Variants in SORCS3 observed in about 807,000 individuals in gnomAD.
SORCS3 encodes sortilin related VPS10 domain containing receptor 3.
A neutral mutation model predicts 146.3 loss-of-function variants in SORCS3; 57 were observed. That is an observed-to-expected ratio of 0.39 (90% CI 0.31 to 0.49). The LOEUF is 0.49. Among genes scored for constraint, SORCS3 ranks in the 20% least tolerant of loss-of-function variants. The probability of loss-of-function intolerance (pLI) is 0.92; values close to 1 mark genes in which losing one functional copy is unlikely to be tolerated. For missense variants in SORCS3, 1,341 were observed against 1,575.5 expected, an observed-to-expected ratio of 0.85 and a Z score of 2.52; for synonymous variants, 653 against 618.5, an observed-to-expected ratio of 1.06 and a Z score of -0.83.
intron 1 of SORCS3, among the ~76,000 whole-genome samples, chr10:104,735,951 G>A (rs904991921): frequency 1.8e-4 from 28 of 152,052 alleles, no homozygotes; most frequent in African/African-American, 6.5e-4. Context: ...CCAAGGTGAC[G>A]CCAAATGTCT....
chr10:104,926,332 AT>A (rs1246050903), intron 3 of SORCS3, among the ~76,000 whole-genome samples: 2 of 152,038 alleles, frequency 1.3e-5, no homozygotes, highest in Admixed American at 6.6e-5. Flanking sequence ...CAGCCATCTC[AT>A]TTTTTCCTGC....
At chr10:105,254,007 C>A (rs898842119) in intron 23 of SORCS3, among the ~76,000 whole-genome samples, 4 of 152,142 alleles carry the variant, frequency 2.6e-5, no homozygotes, top group Non-Finnish European at 5.9e-5. Flanking sequence ...GATATTAAGG[C>A]GCATACAGCG....
At chr10:105,039,521 A>C (rs2055326199) in intron 4 of SORCS3, among the ~76,000 whole-genome samples, 1 of 127,670 alleles carries the variant, frequency 7.8e-6, no homozygotes, top group Admixed American at 1.0e-4. Flanking sequence ...CAGTGGTGTG[A>C]TCTTGGCTCA....
chr10:105,084,076 A>T (rs1170144596), intron 5 of SORCS3, among the ~76,000 whole-genome samples: 1 of 152,200 alleles, frequency 6.6e-6, no homozygotes, highest in Non-Finnish European at 1.5e-5. Flanking sequence ...GTGCCTTTTT[A>T]AGTAGAGAAA....
chr10:104,917,620 G>T (rs2019045548), intron 3 of SORCS3, among the ~76,000 whole-genome samples: 1 of 151,866 alleles, frequency 6.6e-6, no homozygotes, highest in Admixed American at 6.6e-5. Flanking sequence ...TGTATTTTTT[G>T]ACCAATGTCT....
intron 1 of SORCS3, among the ~76,000 whole-genome samples, chr10:104,753,688 C>T (rs555873191): frequency 6.6e-6 from 1 of 152,230 alleles, no homozygotes; most frequent in South Asian, 2.1e-4. Flanking sequence ...ACTTTCATTA[C>T]CTTATAGTAG....
At chr10:104,790,884 C>G (rs141432312) in intron 1 of SORCS3, among the ~76,000 whole-genome samples, 2 of 152,338 alleles carry the variant, frequency 1.3e-5, no homozygotes, top group East Asian at 3.8e-4. Flanking sequence ...ACCCTCTCTT[C>G]TTTGTTTTAA....
rs573932202 is a variant in SORCS3, at chr10:105,251,732, T to A, written c.3106-1043T>A. Among the ~76,000 whole-genome samples, 48 of 152,202 alleles carry A rather than the reference T, an allele frequency of 3.2e-4. 2 individuals carry two copies. Among genetic ancestry groups the A allele is most frequent in the South Asian group, 3.1e-3 (15 of 4,826 alleles). On this transcript the variant is annotated intron_variant, in intron 22 of 26. Coordinates refer to ENST00000369701, the MANE Select transcript of SORCS3 (RefSeq NM_014978.3). ...ACCCTTCACGGGGGAGAACTCAGCA[T>A]CCTGTTTTCTTTAAAAATTTGCCTT... is the stretch of plus-strand genomic sequence containing the variant.
At chr10:104,941,291 A>G (rs987552361) in intron 3 of SORCS3, among the ~76,000 whole-genome samples, 3 of 152,098 alleles carry the variant, frequency 2.0e-5, no homozygotes, top group African/African-American at 7.2e-5. Context: ...TCTTGGCCTC[A>G]TTTTACTCAG....
chr10:105,217,174 G>A (rs778787503), intron 19 of SORCS3, 52 bp downstream of exon 19: 8 of 1,587,228 alleles, frequency 5.0e-6, no homozygotes, highest in Non-Finnish European at 6.9e-6. Flanking sequence ...TTGGCAACTT[G>A]CTCTGTTCAG....
At chr10:105,046,051 A>G (rs1016488238) in intron 5 of SORCS3, among the ~76,000 whole-genome samples, 1 of 152,094 alleles carries the variant, frequency 6.6e-6, no homozygotes, top group East Asian at 1.9e-4. Flanking sequence ...GAAGTGATCA[A>G]CCAAAGCAAA....
chr10:105,114,540 T>G (rs150690231), intron 7 of SORCS3, among the ~76,000 whole-genome samples: 5 of 152,238 alleles, frequency 3.3e-5, no homozygotes, highest in African/African-American at 1.2e-4. Flanking sequence ...TTTTAGGAAC[T>G]GAGCACAGGG....
At chr10:105,062,606 T>C (rs1360297263) in intron 5 of SORCS3, among the ~76,000 whole-genome samples, 3 of 152,116 alleles carry the variant, frequency 2.0e-5, no homozygotes, top group African/African-American at 7.2e-5. Context: ...AGGTTAAAAG[T>C]GCAGTGAAGG....
At chr10:104,890,472 T>C (rs2018738965) in intron 2 of SORCS3, among the ~76,000 whole-genome samples, 2 of 152,210 alleles carry the variant, frequency 1.3e-5, no homozygotes, top group Non-Finnish European at 2.9e-5. Context: ...GTCTAATCTG[T>C]CATTAATCCC....
Position 104,695,218 on chromosome 10 carries a change from G to T in SORCS3, c.627+53264G>T, listed in dbSNP as rs1042791410. 2.6e-5 allele frequency among the ~76,000 whole-genome samples: 4 copies of T among 152,026 alleles called. No homozygotes were observed. The South Asian group carries it at 6.2e-4, about 24-fold the overall frequency. ...CTTCCCAGAGATATTTTCACTTATA[G>T]GAAGAGATTAAGCAAACTAAATCTT... On this transcript the variant is annotated intron_variant, in intron 1 of 26. Coordinates refer to ENST00000369701, the MANE Select transcript of SORCS3 (RefSeq NM_014978.3).
At chr10:104,738,225 G>A (rs2016799590) in intron 1 of SORCS3, among the ~76,000 whole-genome samples, 1 of 152,188 alleles carries the variant, frequency 6.6e-6, no homozygotes, top group Admixed American at 6.5e-5. Context: ...TTTTGGCTTA[G>A]GATTGACTTG....
chr10:105,213,373 C>G (rs1293958513), intron 17 of SORCS3, among the ~76,000 whole-genome samples: 1 of 152,070 alleles, frequency 6.6e-6, no homozygotes, highest in Non-Finnish European at 1.5e-5. Context: ...TTGAAACCAC[C>G]ATAGGAAGGC....
intron 4 of SORCS3, among the ~76,000 whole-genome samples, chr10:105,034,867 T>C (rs1362868679): frequency 6.6e-6 from 1 of 152,188 alleles, no homozygotes; most frequent in Non-Finnish European, 1.5e-5. Flanking sequence ...TTAAGGAGAC[T>C]TAAGTGGAAA....
chr10:104,869,594 A>G (rs2018495174), intron 2 of SORCS3, among the ~76,000 whole-genome samples: 1 of 152,252 alleles, frequency 6.6e-6, no homozygotes, highest in Non-Finnish European at 1.5e-5. Flanking sequence ...GCATCACAGC[A>G]TCTTTCGGAT....
Sources: allele counts gnomAD v4.1 joint callset (sites outside exome capture counted in the v4.1 genomes callset), GRCh38; gene constraint gnomAD v4.1.1; transcripts MANE v1.5; gene names NCBI Gene and HGNC (gene_info 2026-07-23, HGNC 2026-07-21).